Variants in IGF2R observed in about 807,000 individuals in gnomAD.
The protein encoded by IGF2R is insulin like growth factor 2 receptor.
In IGF2R, 91 loss-of-function variants were observed where a neutral mutation model predicts 270.6. That is an observed-to-expected ratio of 0.34 (90% confidence interval 0.28 to 0.40). IGF2R has a LOEUF of 0.40. IGF2R is among the 10% of genes least tolerant of loss of function. IGF2R has a pLI of 1.00. For missense variants in IGF2R, 2,805 were observed against 3,188.3 expected (o/e 0.88, Z 2.90); for synonymous variants, 1,316 against 1,258.9 (o/e 1.05, Z -0.96).
chr6:160,100,041 G>A (rs1392585610), intron 45 of IGF2R, among the ~76,000 whole-genome samples: 1 of 152,076 alleles, frequency 6.6e-6, no homozygotes, highest in South Asian at 2.1e-4. Context: ...CAGCGGAGAA[G>A]AAAAGGAGAA....
At chr6:160,089,081 T>G (rs766705019) in intron 42 of IGF2R, 26 bp from the exon 43 acceptor site, 1 of 1,607,146 alleles carries the variant, frequency 6.2e-7, no homozygotes, top group Non-Finnish European at 8.5e-7. Context: ...GGGAAGTGAC[T>G]GTAGCCTGTG....
At chr6:159,984,349 ACTGCTG>A (rs1783848430) in intron 1 of IGF2R, among the ~76,000 whole-genome samples, 1 of 152,122 alleles carries the variant, frequency 6.6e-6, no homozygotes, top group African/African-American at 2.4e-5. Context: ...TTGTGGTAAT[ACTGCTG>A]TAAACGAACC....
intron 32 of IGF2R, 77 bp from the exon 33 acceptor site, chr6:160,072,688 G>T: frequency 6.5e-7 from 1 of 1,541,910 alleles, no homozygotes; most frequent in South Asian, 1.1e-5. Flanking sequence ...TAATCTGTGT[G>T]TGAGCTCGCC....
chr6:159,989,887 C>T (rs968623584), intron 1 of IGF2R, among the ~76,000 whole-genome samples: 5 of 152,202 alleles, frequency 3.3e-5, no homozygotes, highest in Admixed American at 6.5e-5. Flanking sequence ...TTCACAGAAC[C>T]GGGAAACCAC....
intron 2 of IGF2R, among the ~76,000 whole-genome samples, chr6:159,999,335 C>T (rs1021064186): frequency 1.3e-4 from 20 of 152,162 alleles, no homozygotes; most frequent in African/African-American, 4.1e-4. Context: ...TGGGGTTAAT[C>T]GGAAGTCAGC....
Position 160,050,779 on chromosome 6 carries a change from A to G in IGF2R, c.2694+127A>G. The G allele has an allele frequency of 1.3e-6, 1 of 767,966 alleles. No homozygotes were observed. The highest frequency in any genetic ancestry group is 2.7e-5 in the East Asian group (1 of 36,536). 47.6% of individuals were successfully genotyped at this position (767,966 alleles called of 1,614,324 possible). A position where few individuals can be genotyped will look rare whatever the true frequency, so the allele number is the denominator to read the frequency against. ...AGCTAGGCCAGTCTTAGTTCTGCTT[A>G]AGGTCAGTGTGCGGTATATATGTTC... is the stretch of plus-strand genomic sequence containing the variant. On this transcript the variant is annotated intron_variant, in intron 19 of 47. Coordinates refer to ENST00000356956, the MANE Select transcript of IGF2R (RefSeq NM_000876.4). This position sits in a 1 kb window ranked among gnomAD's most constrained non-coding sequence, Gnocchi z 4.0.
Position 160,064,839 on chromosome 6 carries a change from C to T in IGF2R, c.4053C>T (p.Tyr1351=). 1 of 1,613,804 alleles carries T rather than the reference C, an allele frequency of 6.2e-7. No individual in the cohort carries two copies. The highest frequency in any genetic ancestry group is 8.5e-7 in the Non-Finnish European group (1 of 1,179,640). Residue 1351 remains tyrosine (Y), a synonymous_variant, in exon 29 of 48, where the codon TAC becomes TAT. Coordinates refer to ENST00000356956, the MANE Select transcript of IGF2R (RefSeq NM_000876.4). ...VFLKETSDCS[Y]LFEWRTQYAC... The stretch of plus-strand genomic sequence containing the variant: ...TAAAGGAGACTTCAGATTGTTCCTA[C>T]TTGTTTGAGTGGCGAACGCAGTATG...
intron 23 of IGF2R, 132 bp downstream of exon 23, chr6:160,060,849 C>T (rs1222497427): frequency 1.1e-5 from 8 of 755,844 alleles, no homozygotes; most frequent in South Asian, 3.7e-5. Context: ...ATGCAGGCAG[C>T]GTGACATTTC....
chr6:160,089,397 T>TA (rs1221068563), intron 43 of IGF2R, 144 bp downstream of exon 43: 2 of 676,430 alleles, frequency 3.0e-6, no homozygotes. Flanking sequence ...ATCTTTTGCT[T>TA]AAACTGAGGA....
chr6:159,978,768 AG>A (rs1783734476), intron 1 of IGF2R, among the ~76,000 whole-genome samples: 1 of 151,824 alleles, frequency 6.6e-6, no homozygotes, highest in African/African-American at 2.4e-5. Flanking sequence ...TGACTCCTCC[AG>A]GGTGGGGAAA....
At chr6:160,103,598 G>T in intron 46 of IGF2R, 148 bp from the exon 47 acceptor site, 1 of 642,310 alleles carries the variant, frequency 1.6e-6, no homozygotes, top group Non-Finnish European at 2.8e-6. Context: ...AACCTGTCAC[G>T]GCTACTCATT....
rs1214626968 is a variant in IGF2R, at chr6:160,050,686, G to A, written c.2694+34G>A. 1 of 1,565,316 alleles carries A rather than the reference G, an allele frequency of 6.4e-7. No individual in the cohort carries two copies. Among genetic ancestry groups the A allele is most frequent in the Non-Finnish European group, 8.7e-7 (1 of 1,149,256 alleles). The stretch of plus-strand genomic sequence containing the variant: ...CTGCTGCTGGCTGGTGACCTTCACT[G>A]CTGCATTTTTTGACTGAGCGTTGCC... On this transcript the variant is annotated intron_variant, in intron 19 of 47. Coordinates refer to ENST00000356956, the MANE Select transcript of IGF2R (RefSeq NM_000876.4). This position sits in a 1 kb window ranked among gnomAD's most constrained non-coding sequence, Gnocchi z 4.0.
At chr6:160,068,214 C>A in intron 29 of IGF2R, 35 bp from the exon 30 acceptor site, 1 of 1,611,958 alleles carries the variant, frequency 6.2e-7, no homozygotes, top group Non-Finnish European at 8.5e-7. Context: ...AGAATACGAC[C>A]AAGCCTAACT....
intron 1 of IGF2R, among the ~76,000 whole-genome samples, chr6:159,972,084 A>G (rs1445799899): frequency 1.3e-5 from 2 of 152,210 alleles, no homozygotes; most frequent in African/African-American, 2.4e-5. Flanking sequence ...TAAATGTAGC[A>G]TGTAGTTGAG....
chr6:159,975,747 T>G (rs1190049932), intron 1 of IGF2R, among the ~76,000 whole-genome samples: 1 of 147,532 alleles, frequency 6.8e-6, no homozygotes, highest in African/African-American at 2.5e-5. Flanking sequence ...ATTTATTATA[T>G]ATATATTATA....
chr6:160,047,391 G>T (rs913520124), intron 16 of IGF2R, 55 bp downstream of exon 16: 9 of 1,422,904 alleles, frequency 6.3e-6, no homozygotes, highest in Non-Finnish European at 3.8e-6. Flanking sequence ...CCTGTGGTGG[G>T]CCTTTCATTT....
intron 30 of IGF2R, 112 bp from the exon 31 acceptor site, chr6:160,069,756 C>G (rs1354714957): frequency 8.6e-6 from 8 of 932,906 alleles, no homozygotes; most frequent in East Asian, 2.6e-5. Flanking sequence ...TGAAGTGACT[C>G]TTAGAAAGCG....
At chr6:160,018,962 A>G (rs1777369282) in intron 4 of IGF2R, among the ~76,000 whole-genome samples, 1 of 152,206 alleles carries the variant, frequency 6.6e-6, no homozygotes, top group African/African-American at 2.4e-5. Context: ...AACAAATACC[A>G]GAGCAGAACT....
intron 11 of IGF2R, among the ~76,000 whole-genome samples, chr6:160,041,761 G>A (rs905457883): frequency 2.0e-5 from 3 of 152,212 alleles, no homozygotes; most frequent in African/African-American, 4.8e-5. Context: ...TGGCAGTGCT[G>A]TTGTGGTTAA....
Sources: gnomAD v4.1 joint callset for allele counts (sites outside exome capture counted in the v4.1 genomes callset) on GRCh38, gnomAD v4.1.1 for gene constraint, Gnocchi (gnomAD v3.1) non-coding constraint, MANE v1.5 for transcripts, NCBI Gene and HGNC (gene_info 2026-07-23, HGNC 2026-07-21) for gene names.